MROH7: variants seen among roughly 807,000 people sequenced by gnomAD.
MROH7 encodes the protein maestro heat-like repeat-containing protein family member 7.
MROH7 carries 113 observed loss-of-function variants against 129.2 expected under a neutral mutation model. That is an observed-to-expected ratio of 0.87 (90% CI 0.75 to 1.02). MROH7 has a LOEUF of 1.02. MROH7 is among the 50% of genes least tolerant of loss of function. The pLI, the probability that MROH7 is intolerant of heterozygous loss-of-function variation, is 0.00. For synonymous variants in MROH7, 655 were observed against 667.9 expected, an observed-to-expected ratio of 0.98 and a Z score of 0.30; for missense variants, 1,601 against 1,671.3, an observed-to-expected ratio of 0.96 and a Z score of 0.73.
chr1:54,676,404 A>C (rs923632258), intron 10 of MROH7, among the ~76,000 whole-genome samples: 3 of 151,530 alleles, frequency 2.0e-5, no homozygotes, highest in African/African-American at 7.3e-5. Context: ...TGCCCAGCTT[A>C]TTTATTTATT....
At chr1:54,682,296 C>G (rs1157789926) in intron 13 of MROH7, among the ~76,000 whole-genome samples, 6 of 151,816 alleles carry the variant, frequency 4.0e-5, no homozygotes, top group Non-Finnish European at 7.4e-5. Context: ...TCCTGAGTAG[C>G]TGTGATTACA....
At position 54,679,479 on chromosome 1, in the gene MROH7, G is replaced by A. The variant is rs563011772; in HGVS notation, c.2226+40G>A. ...GGGCAGGGAGTGAACTGTCACTGGG[G>A]CTCGGGAGCTCCCCCCATGGCCTGC... On this transcript the variant is annotated intron_variant, in intron 12 of 23. Transcript: ENST00000421030. 146 of 1,591,362 alleles carry A rather than the reference G, an allele frequency of 9.2e-5. No individual in the cohort carries two copies. In the South Asian group the frequency reaches 1.5e-3, roughly 17 times the overall value.
At chr1:54,697,659 T>C in intron 17 of MROH7, 1 of 703,372 alleles carries the variant, frequency 1.4e-6, no homozygotes, top group Non-Finnish European at 2.6e-6. Flanking sequence ...ACAGCAACCC[T>C]GCGAAGAAGG....
At chr1:54,687,071 T>G (rs1043029111) in intron 15 of MROH7, among the ~76,000 whole-genome samples, 1 of 151,438 alleles carries the variant, frequency 6.6e-6, no homozygotes, top group Non-Finnish European at 1.5e-5. Flanking sequence ...TTTATTTATT[T>G]ATTTATTTAT....
chr1:54,680,196 G>A (rs562088520), intron 13 of MROH7, 151 bp downstream of exon 13: 24 of 662,678 alleles, frequency 3.6e-5, no homozygotes, highest in Non-Finnish European at 5.8e-5. Flanking sequence ...CAACCATTAA[G>A]CACTTCCTGA....
At chr1:54,678,647 A>G (rs1364796399) in intron 10 of MROH7, 95 bp from the exon 11 acceptor site, 2 of 831,774 alleles carry the variant, frequency 2.4e-6, no homozygotes, top group Non-Finnish European at 4.0e-6. Flanking sequence ...GTGAAAATGT[A>G]TCAAGTTAGT....
chr1:54,706,394 C>G (rs1645534320), intron 21 of MROH7, 41 bp from the exon 22 acceptor site: 1 of 1,497,234 alleles, frequency 6.7e-7, no homozygotes, highest in African/African-American at 1.4e-5. Flanking sequence ...CAATTGGTTC[C>G]TCTGAGAGGC....
At chr1:54,692,164 G>T (rs111400493) in intron 15 of MROH7, among the ~76,000 whole-genome samples, 2,313 of 152,332 alleles carry the variant, frequency 0.015, 49 homozygotes, top group African/African-American at 0.054. Flanking sequence ...GATGCATAGT[G>T]GAGGGTGAGA....
chr1:54,685,597 A>G (rs1557716094), intron 14 of MROH7, among the ~76,000 whole-genome samples: 1 of 152,166 alleles, frequency 6.6e-6, no homozygotes, highest in Non-Finnish European at 1.5e-5. Context: ...GGGTGGGCCC[A>G]GGCCAGGTCC....
chr1:54,680,654 T>C (rs1299327060), intron 13 of MROH7, among the ~76,000 whole-genome samples: 2 of 152,174 alleles, frequency 1.3e-5, no homozygotes, highest in Non-Finnish European at 2.9e-5. Flanking sequence ...TGTGGTCAGA[T>C]GGTGAGCTCG....
chr1:54,709,273 G>A (rs530521048), intron 23 of MROH7, among the ~76,000 whole-genome samples, 197 bp downstream of exon 23: 2 of 152,308 alleles, frequency 1.3e-5, no homozygotes, highest in Admixed American at 1.3e-4. Context: ...AGGCTGGAGT[G>A]CAGTGGCACA....
intron 1 of MROH7, among the ~76,000 whole-genome samples, chr1:54,649,372 G>A (rs1644520220): frequency 6.6e-6 from 1 of 152,268 alleles, no homozygotes; most frequent in South Asian, 2.1e-4. Flanking sequence ...TCAGCAGGGA[G>A]TAGTGAGCTC....
intron 15 of MROH7, among the ~76,000 whole-genome samples, chr1:54,690,188 A>G (rs551734324): frequency 6.6e-6 from 1 of 152,184 alleles, no homozygotes; most frequent in South Asian, 2.1e-4. Flanking sequence ...CCTCCTCCCA[A>G]AAGTTTCAAC....
In MROH7 at chr1:54,701,083, G is replaced by A. The variant is rs1645427217; in HGVS notation, c.3106-60G>A. ...TTCATTTCAGTGAATCAGAGGCTGG[G>A]TCTCTTCCTACTTGCTAGCTCAGAT... On this transcript the variant is annotated intron_variant, in intron 18 of 23. Coordinates refer to ENST00000421030, the MANE Select transcript of MROH7 (RefSeq NM_001039464.4). 1.9e-6 allele frequency: 3 copies of A among 1,566,662 alleles called. No homozygotes were observed. The South Asian group carries it at 3.4e-5, about 18-fold the overall frequency.
At chr1:54,665,482 A>G in intron 4 of MROH7, 3 of 435,898 alleles carry the variant, frequency 6.9e-6, no homozygotes, top group Non-Finnish European at 1.2e-5. Flanking sequence ...ATTCACAGCT[A>G]TAACTTCAGC....
intron 10 of MROH7, among the ~76,000 whole-genome samples, chr1:54,675,613 T>G (rs1430011181): frequency 6.6e-6 from 1 of 151,820 alleles, no homozygotes; most frequent in Non-Finnish European, 1.5e-5. Context: ...TTTTTTTTTT[T>G]TTGAGACAGA....
intron 1 of MROH7, among the ~76,000 whole-genome samples, chr1:54,649,513 T>A (rs2101058831): frequency 6.6e-6 from 1 of 152,368 alleles, no homozygotes; most frequent in South Asian, 2.1e-4. Flanking sequence ...GACTTGCCTG[T>A]CTGTTGCAGG....
At chr1:54,691,497 G>A (rs1245016230) in intron 15 of MROH7, among the ~76,000 whole-genome samples, 2 of 152,154 alleles carry the variant, frequency 1.3e-5, no homozygotes, top group African/African-American at 2.4e-5. Flanking sequence ...TACAGTGTCA[G>A]TTTTTATTTT....
Position 54,702,162 on chromosome 1 carries a change from A to G in MROH7, c.3358A>G (p.Thr1120Ala), listed in dbSNP as rs778800274. ...KVVQKLRAPR[T>A]QAMEEQLVST... Reference sequence around the variant, plus strand: ...GGTCCAGAAGCTTCGGGCACCACGCACTCAGGCCATGGAGGAGCAGCTGGT... The same window carrying G: ...GGTCCAGAAGCTTCGGGCACCACGCGCTCAGGCCATGGAGGAGCAGCTGGT... Residue 1120 changes from threonine to alanine, a missense_variant, in exon 20 of 24, where the codon ACT (threonine) becomes GCT (alanine). By Grantham distance (58) the Thr-to-Ala change is moderately conservative. Coordinates refer to ENST00000421030, the MANE Select transcript of MROH7 (RefSeq NM_001039464.4). The G allele has an allele frequency of 3.1e-6, 5 of 1,610,486 alleles. 1 individual carries two copies. In the African/African-American group the frequency reaches 4.0e-5, roughly 13 times the overall value.
Sources: gnomAD v4.1 joint callset for allele counts (sites outside exome capture counted in the v4.1 genomes callset) on GRCh38, gnomAD v4.1.1 for gene constraint, MANE v1.5 for transcripts, NCBI Gene and HGNC (gene_info 2026-07-23, HGNC 2026-07-21) for gene names.